Variants in DOCK1 observed in about 807,000 individuals in gnomAD.
The protein encoded by DOCK1 is dedicator of cytokinesis 1.
DOCK1 carries 138 observed loss-of-function variants against 262.7 expected under a neutral mutation model. The ratio of observed to expected loss-of-function variants is 0.53; its 90% CI spans 0.46 to 0.61. The LOEUF is 0.61. Among genes scored for constraint, DOCK1 ranks in the 20% least tolerant of loss-of-function variants. The pLI is 0.00. For missense variants in DOCK1, 1,908 were observed against 2,370.7 expected (o/e 0.80, Z 4.05); for synonymous variants, 866 against 867.4 (o/e 1.00, Z 0.03).
chr10:127,173,443 G>C (rs900029672), intron 27 of DOCK1, among the ~76,000 whole-genome samples: 38 of 152,160 alleles, frequency 2.5e-4, no homozygotes, highest in Non-Finnish European at 5.4e-4. Flanking sequence ...TGTTCTAAGA[G>C]GAGTGTAAGA....
intron 29 of DOCK1, among the ~76,000 whole-genome samples, chr10:127,270,531 C>A (rs181579499): frequency 2.0e-5 from 3 of 152,044 alleles, no homozygotes. Flanking sequence ...ACTTTCCTCC[C>A]TCCCTCCCTC....
chr10:127,129,171 A>G (rs2050155532), intron 27 of DOCK1, among the ~76,000 whole-genome samples: 1 of 152,194 alleles, frequency 6.6e-6, no homozygotes, highest in South Asian at 2.1e-4. Context: ...GGTCGCACAG[A>G]TGGACAAATG....
chr10:127,438,786 G>A (rs899944593), intron 48 of DOCK1, among the ~76,000 whole-genome samples: 6 of 152,016 alleles, frequency 3.9e-5, no homozygotes, highest in East Asian at 1.9e-4. Flanking sequence ...TCAAATATCC[G>A]GTCAGACTTC....
At chr10:127,031,199 T>C (rs2135525457) in intron 16 of DOCK1, among the ~76,000 whole-genome samples, 1 of 152,370 alleles carries the variant, frequency 6.6e-6, no homozygotes, top group South Asian at 2.1e-4. Context: ...TGTCGTTTAC[T>C]GTGGCCTCTT....
At position 126,950,737 on chromosome 10, in the gene DOCK1, A is replaced by G. The variant is rs2036141909; in HGVS notation, c.47-19965A>G. ...TGCCTCAGAGTCTTTGTGTGCAGAA[A>G]TGGGGTTTTTGTTAGCCCCACTTCA... On this transcript the variant is annotated intron_variant, in intron 1 of 51. Coordinates refer to ENST00000623213, the MANE Select transcript of DOCK1 (RefSeq NM_001290223.2). 2.0e-5 allele frequency among the ~76,000 whole-genome samples: 3 copies of G among 152,216 alleles called. No individual in the cohort carries two copies. In the South Asian group the frequency reaches 6.2e-4, roughly 32 times the overall value.
intron 17 of DOCK1, 90 bp from the exon 18 acceptor site, chr10:127,032,047 T>G (rs2043274874): frequency 1.4e-6 from 2 of 1,446,590 alleles, no homozygotes; most frequent in East Asian, 4.9e-5. Flanking sequence ...ATTACGATGG[T>G]TACAAGGATT....
intron 27 of DOCK1, among the ~76,000 whole-genome samples, chr10:127,240,697 T>C (rs891545734): frequency 6.6e-6 from 1 of 152,228 alleles, no homozygotes; most frequent in East Asian, 1.9e-4. Flanking sequence ...ATTCTTTCTT[T>C]CTTATACTCC....
chr10:127,241,344 A>G (rs1176047370), intron 27 of DOCK1, among the ~76,000 whole-genome samples: 1 of 152,116 alleles, frequency 6.6e-6, no homozygotes, highest in African/African-American at 2.4e-5. Context: ...AATAATTATT[A>G]TTATTGTAGT....
chr10:127,222,643 G>A (rs1205511304), intron 27 of DOCK1, among the ~76,000 whole-genome samples: 1 of 141,278 alleles, frequency 7.1e-6, no homozygotes, highest in Non-Finnish European at 1.5e-5. Flanking sequence ...GTTGTGTTGT[G>A]TTGTGTTGTG....
At chr10:127,192,111 T>C (rs983158057) in intron 27 of DOCK1, among the ~76,000 whole-genome samples, 1 of 152,254 alleles carries the variant, frequency 6.6e-6, no homozygotes, top group South Asian at 2.1e-4. Flanking sequence ...GTATAATTCA[T>C]ATGAATGTAT....
At chr10:127,184,932 C>T (rs1317865858) in intron 27 of DOCK1, among the ~76,000 whole-genome samples, 1 of 152,096 alleles carries the variant, frequency 6.6e-6, no homozygotes, top group Non-Finnish European at 1.5e-5. Context: ...GCTGGGCACA[C>T]AGGAAAAAAC....
At position 127,339,021 on chromosome 10, in the gene DOCK1, A is replaced by C. The variant is rs988910092; in HGVS notation, c.3060A>C (p.Ala1020=). 6.3e-7 allele frequency: 1 copy of C among 1,581,534 alleles called. No homozygotes were observed. Among genetic ancestry groups the C allele is most frequent in the Admixed American group, 1.8e-5 (1 of 55,600 alleles). Residue 1020 remains alanine, a synonymous_variant, in exon 30 of 52, where the codon GCA becomes GCC. Transcript: ENST00000623213. ...GATCTTTCAGAGTCTTCCTGCGAGC[A>C]ATTAATCAGTATGCAGATATGCTGA... is the stretch of plus-strand genomic sequence containing the variant. ...NMVQNKVFLR[A]INQYADMLNK... is the part of the protein sequence containing the mutation.
At chr10:127,418,692 G>T (rs913856196) in intron 45 of DOCK1, among the ~76,000 whole-genome samples, 151 bp downstream of exon 45, 3 of 152,210 alleles carry the variant, frequency 2.0e-5, no homozygotes, top group African/African-American at 7.2e-5. Flanking sequence ...GCAGCCAGTG[G>T]CGGCCCCTGA....
intron 23 of DOCK1, among the ~76,000 whole-genome samples, chr10:127,081,790 T>C (rs2046914499): frequency 6.6e-6 from 1 of 152,174 alleles, no homozygotes; most frequent in African/African-American, 2.4e-5. Context: ...ATCACCTTTA[T>C]TGAGGTAAAA....
chr10:127,104,408 A>G (rs1479945649), intron 23 of DOCK1, among the ~76,000 whole-genome samples: 1 of 152,144 alleles, frequency 6.6e-6, no homozygotes, highest in Non-Finnish European at 1.5e-5. Context: ...TACATTTAAG[A>G]TCGGTGATCT....
Position 127,444,239 on chromosome 10 carries a change from A to G in DOCK1, c.5373A>G (p.Pro1791=), listed in dbSNP as rs1309365370. ...CGTCCTCCCAGCAAACACCCCCTCC[A>G]GTTACACCAAGGGCCAAGCTCAGCT... The part of the protein sequence containing the change: ...SSPSSQQTPP[P]VTPRAKLSFS... Residue 1791 remains proline (P), a synonymous_variant, in exon 50 of 52, where the codon CCA becomes CCG. Coordinates refer to ENST00000623213, the MANE Select transcript of DOCK1 (RefSeq NM_001290223.2). 4 of 1,611,826 alleles carry G rather than the reference A, an allele frequency of 2.5e-6. No homozygotes were observed. The highest frequency in any genetic ancestry group is 2.2e-5 in the South Asian group (2 of 90,656).
intron 32 of DOCK1, among the ~76,000 whole-genome samples, chr10:127,358,885 C>T (rs1359725848): frequency 2.6e-5 from 4 of 152,062 alleles, no homozygotes; most frequent in Non-Finnish European, 5.9e-5. Context: ...GCCTTGGCTT[C>T]GTGAGAAAAC....
intron 4 of DOCK1, among the ~76,000 whole-genome samples, chr10:126,984,191 C>T (rs987084400): frequency 1.3e-5 from 2 of 152,240 alleles, no homozygotes; most frequent in African/African-American, 4.8e-5. Context: ...GTGGGTGATG[C>T]TCACATCGGG....
intron 18 of DOCK1, among the ~76,000 whole-genome samples, chr10:127,035,767 T>TG (rs1455576212): frequency 5.3e-5 from 8 of 151,998 alleles, no homozygotes; most frequent in African/African-American, 1.9e-4. Context: ...CCCAGCACTT[T>TG]GGGAGGCTGA....
Sources: gnomAD v4.1 joint callset for allele counts (sites outside exome capture counted in the v4.1 genomes callset) on GRCh38, gnomAD v4.1.1 for gene constraint, MANE v1.5 for transcripts, NCBI Gene and HGNC (gene_info 2026-07-23, HGNC 2026-07-21) for gene names.